The following GPRIN3 variants were observed in gnomAD, a reference collection of about 807,000 sequenced individuals.
The protein encoded by GPRIN3 is GPRIN family member 3.
A neutral mutation model predicts 13.7 loss-of-function variants in GPRIN3; 12 were observed. That is an observed-to-expected ratio of 0.87 (90% CI 0.56 to 1.42). GPRIN3 has a LOEUF of 1.42. Ranked by LOEUF, GPRIN3 falls within the 40% of genes most tolerant of loss-of-function variation. The pLI is 0.00. For synonymous variants in GPRIN3, 377 were observed against 372.7 expected, an observed-to-expected ratio of 1.01 and a Z score of -0.13; for missense variants, 1,009 against 958.7, an observed-to-expected ratio of 1.05 and a Z score of -0.69.
At chr4:89,285,317 T>C (rs1195965540) in intron 1 of GPRIN3, among the ~76,000 whole-genome samples, 1 of 151,720 alleles carries the variant, frequency 6.6e-6, no homozygotes, top group Non-Finnish European at 1.5e-5. Context: ...CTGCATGTTG[T>C]GCACATGTAC....
chr4:89,249,866 C>A lies in GPRIN3; in HGVS notation c.245G>T (p.Gly82Val), dbSNP rs1420149065. Residue 82 changes from glycine to valine, a missense_variant, in exon 2 of 2, where the codon GGT becomes GTT. Physicochemically the swap from Gly to Val is moderately radical, Grantham distance 109. Coordinates refer to ENST00000609438, the MANE Select transcript of GPRIN3 (RefSeq NM_198281.3). ...ETTQPDMSSP[G>V]VFNEVQKAPA... is the part of the protein sequence containing the mutation. Reference sequence around the variant, plus strand: ...TGCTTTCTGCACTTCATTGAACACACCAGGAGAAGACATATCTGGTTGGGT... The same window carrying A: ...TGCTTTCTGCACTTCATTGAACACAACAGGAGAAGACATATCTGGTTGGGT... 6.2e-7 allele frequency: 1 copy of A among 1,614,180 alleles called. No homozygotes were observed. Among genetic ancestry groups the A allele is most frequent in the East Asian group, 2.2e-5 (1 of 44,896 alleles).
intron 1 of GPRIN3, among the ~76,000 whole-genome samples, chr4:89,290,116 G>A (rs1724532235): frequency 6.6e-6 from 1 of 151,424 alleles, no homozygotes. Flanking sequence ...GACTACAGGT[G>A]CGTGTCACCA....
intron 1 of GPRIN3, among the ~76,000 whole-genome samples, chr4:89,298,082 A>T (rs1439278460): frequency 5.3e-5 from 8 of 152,148 alleles, no homozygotes; most frequent in Admixed American, 5.2e-4. Flanking sequence ...TATTTTCTTA[A>T]ATAGGAAAAA....
intron 1 of GPRIN3, among the ~76,000 whole-genome samples, chr4:89,282,577 T>C (rs1223783437): frequency 6.7e-6 from 1 of 149,158 alleles, no homozygotes; most frequent in Non-Finnish European, 1.5e-5. Flanking sequence ...TCTTAAAACA[T>C]ATGTGATTTT....
chr4:89,291,830 C>CTT (rs33981386), intron 1 of GPRIN3, among the ~76,000 whole-genome samples: 3,048 of 115,810 alleles, frequency 0.026, 133 homozygotes, highest in African/African-American at 0.087. Context: ...ACTGTCAGGG[C>CTT]TTTTTTTTTT....
chr4:89,283,904 G>A (rs903316499), intron 1 of GPRIN3, among the ~76,000 whole-genome samples: 1 of 152,186 alleles, frequency 6.6e-6, no homozygotes, highest in Non-Finnish European at 1.5e-5. Context: ...AAACTGCGGG[G>A]GGCTTTGTAA....
intron 1 of GPRIN3, chr4:89,250,499 T>A: frequency 6.2e-6 from 1 of 160,122 alleles, no homozygotes; most frequent in Non-Finnish European, 1.4e-5. Context: ...AGCAAATAGG[T>A]TTTTCATGTA....
rs374437786 is a variant in GPRIN3, at chr4:89,248,615, G to A, written c.1496C>T (p.Thr499Met). The stretch of plus-strand genomic sequence containing the variant: ...TGGGTCTGTTTTGTGGCCGTTTGTC[G>A]TTTTCTCTGCAAACTCAGATGGCCT... ...ETRPSEFAEK[T>M]TNGHKTDPDC... Residue 499 changes from threonine to methionine, a missense_variant, in exon 2 of 2, where the codon ACG becomes ATG. Physicochemically the swap from Thr to Met is moderately conservative, Grantham distance 81 (BLOSUM62 -1). Transcript: ENST00000609438. 5.8e-5 allele frequency: 94 copies of A among 1,614,038 alleles called. No individual in the cohort carries two copies. Among genetic ancestry groups the A allele is most frequent in the Middle Eastern group, 1.6e-4 (1 of 6,062 alleles).
intron 1 of GPRIN3, among the ~76,000 whole-genome samples, chr4:89,261,605 A>T (rs901616376): frequency 2.0e-5 from 3 of 152,322 alleles, no homozygotes; most frequent in African/African-American, 7.2e-5. Flanking sequence ...GTTTGTATAC[A>T]CTGACTCTGC....
intron 1 of GPRIN3, among the ~76,000 whole-genome samples, chr4:89,291,870 G>C (rs1197759475): frequency 3.6e-5 from 5 of 136,996 alleles, no homozygotes; most frequent in Non-Finnish European, 7.7e-5. Flanking sequence ...TTAGTATATA[G>C]TGTGGGATGG....
rs546999128 is a variant in GPRIN3 at position 89,254,226 on chromosome 4, C to CT, written c.-123-3994dup. Among the ~76,000 whole-genome samples the CT allele has an allele frequency of 1.7e-3, 255 of 151,436 alleles. 1 individual carries two copies. Among genetic ancestry groups the CT allele is most frequent in the African/African-American group, 5.9e-3 (245 of 41,228 alleles). On this transcript the variant is annotated intron_variant, in intron 1 of 1. Coordinates refer to ENST00000609438, the MANE Select transcript of GPRIN3 (RefSeq NM_198281.3). ...CTTCCCTTTCTTTTTCCTTCTTTCT[C>CT]TTTTTTTAAACCTTTTTTTTAAGTT...
intron 1 of GPRIN3, among the ~76,000 whole-genome samples, chr4:89,264,712 A>G (rs1284856254): frequency 2.0e-5 from 3 of 152,158 alleles, no homozygotes. Flanking sequence ...TCATATGTCC[A>G]TTTGCAAAGA....
At chr4:89,289,058 A>G (rs1724500713) in intron 1 of GPRIN3, among the ~76,000 whole-genome samples, 1 of 150,890 alleles carries the variant, frequency 6.6e-6, no homozygotes. Context: ...CTTAGATCAA[A>G]CTAATTCGTT....
intron 1 of GPRIN3, among the ~76,000 whole-genome samples, chr4:89,251,543 G>C (rs925889563): frequency 6.6e-6 from 1 of 152,158 alleles, no homozygotes; most frequent in African/African-American, 2.4e-5. Flanking sequence ...AAACAGACTG[G>C]TCTTTATAAA....
rs886763577 is a variant in GPRIN3, at chr4:89,241,545, C to G, written c.*6235G>C. The G allele has an allele frequency of 8.5e-5, 13 of 152,128 alleles. No homozygotes were observed. Among genetic ancestry groups the G allele is most frequent in the African/African-American group, 2.4e-4 (10 of 41,446 alleles). The allele number at this position is 152,128 out of a possible 1,614,324, so 9.4% of individuals were successfully genotyped here. A position where few individuals can be genotyped will look rare whatever the true frequency, so the allele number is the denominator to read the frequency against. ...TGCTAGTATATATTTTTCTTATTTT[C>G]AGGCTGTGTTGACCTTTTTCAACCT... On this transcript the variant is annotated 3_prime_UTR_variant, in exon 2 of 2. Coordinates refer to ENST00000609438, the MANE Select transcript of GPRIN3 (RefSeq NM_198281.3).
intron 1 of GPRIN3, among the ~76,000 whole-genome samples, chr4:89,300,340 A>G (rs886291232): frequency 1.3e-5 from 2 of 152,150 alleles, no homozygotes; most frequent in African/African-American, 4.8e-5. Context: ...TAAATGCTCA[A>G]TGTCAGTGAG....
chr4:89,262,048 C>G (rs1054863014), intron 1 of GPRIN3, among the ~76,000 whole-genome samples: 5 of 151,146 alleles, frequency 3.3e-5, no homozygotes, highest in Non-Finnish European at 7.4e-5. Context: ...ACTGCTTGAG[C>G]CTGGGAGGCA....
chr4:89,287,464 G>T (rs758152795), intron 1 of GPRIN3, among the ~76,000 whole-genome samples: 5 of 152,144 alleles, frequency 3.3e-5, no homozygotes, highest in Non-Finnish European at 5.9e-5. Context: ...ATTCGAGTTG[G>T]GTTTTAAAAG....
chr4:89,293,121 G>A (rs887179471), intron 1 of GPRIN3, among the ~76,000 whole-genome samples: 3 of 152,198 alleles, frequency 2.0e-5, no homozygotes, highest in Admixed American at 6.5e-5. Flanking sequence ...GTCTATAGAA[G>A]TCTATATAAG....
Sources: gnomAD v4.1 joint callset for allele counts (sites outside exome capture counted in the v4.1 genomes callset) on GRCh38, gnomAD v4.1.1 for gene constraint, MANE v1.5 for transcripts, NCBI Gene and HGNC (gene_info 2026-07-23, HGNC 2026-07-21) for gene names.